Variants in USP24 observed in about 807,000 individuals in gnomAD.
USP24 encodes ubiquitin specific peptidase 24.
A neutral mutation model predicts 361.6 loss-of-function variants in USP24; 97 were observed. That is an observed-to-expected ratio of 0.27 (90% confidence interval 0.23 to 0.32). USP24 has a LOEUF of 0.32. USP24 is among the 10% of genes least tolerant of loss of function. USP24 has a pLI of 1.00. For synonymous variants in USP24, 1,098 were observed against 1,124.6 expected (o/e 0.98, Z 0.47); for missense variants, 2,353 against 3,165.6 (o/e 0.74, Z 6.16).
At chr1:55,184,531 C>T (rs956745096) in intron 1 of USP24, among the ~76,000 whole-genome samples, 25 of 152,066 alleles carry the variant, frequency 1.6e-4, no homozygotes, top group African/African-American at 5.3e-4. Context: ...CAGAATTAGG[C>T]AAAAGATCAA....
At chr1:55,175,742 G>A (rs943104432) in intron 3 of USP24, among the ~76,000 whole-genome samples, 1 of 152,160 alleles carries the variant, frequency 6.6e-6, no homozygotes, top group Non-Finnish European at 1.5e-5. Flanking sequence ...CTCTAATGAG[G>A]ATTCAAGGCT....
At chr1:55,069,165 T>C in intron 67 of USP24, 58 bp from the exon 68 acceptor site, 1 of 1,567,318 alleles carries the variant, frequency 6.4e-7, no homozygotes, top group Non-Finnish European at 8.8e-7. Flanking sequence ...TTTTCTATGC[T>C]GACTTGTGTT....
chr1:55,208,656 CGCTGGGCACG>C (rs1433688043), intron 1 of USP24, among the ~76,000 whole-genome samples: 1 of 150,640 alleles, frequency 6.6e-6, no homozygotes, highest in Non-Finnish European at 1.5e-5. Flanking sequence ...CAAAAAACAG[CGCTGGGCACG>C]GTGGTTCACG....
At chr1:55,142,088 A>C (rs1173551890) in intron 23 of USP24, among the ~76,000 whole-genome samples, 1 of 152,206 alleles carries the variant, frequency 6.6e-6, no homozygotes, top group Non-Finnish European at 1.5e-5. Flanking sequence ...AATACCGTAC[A>C]TATTCTAGCA....
chr1:55,193,656 T>C (rs1644345544), intron 1 of USP24, among the ~76,000 whole-genome samples: 1 of 151,920 alleles, frequency 6.6e-6, no homozygotes, highest in South Asian at 2.1e-4. Context: ...GCAATATGAG[T>C]GAGCAGTAAA....
intron 16 of USP24, among the ~76,000 whole-genome samples, chr1:55,153,381 A>C (rs1189108974): frequency 6.6e-6 from 1 of 152,188 alleles, no homozygotes; most frequent in Non-Finnish European, 1.5e-5. Flanking sequence ...ACAGATACTC[A>C]CTGAATGACT....
chr1:55,070,837 C>T (rs760672854), intron 67 of USP24, among the ~76,000 whole-genome samples: 1 of 152,110 alleles, frequency 6.6e-6, no homozygotes, highest in Non-Finnish European at 1.5e-5. Context: ...AAAGCTCTGC[C>T]AAGGTGGGCG....
chr1:55,157,452 T>C, intron 10 of USP24, 82 bp from the exon 11 acceptor site: 1 of 814,160 alleles, frequency 1.2e-6, no homozygotes, highest in South Asian at 2.3e-5. Context: ...TTTTACAATG[T>C]TACAATGTGC....
rs568079150 is a variant in USP24, at chr1:55,139,962, TCA to T, written c.2751-954_2751-953del. On this transcript the variant is annotated intron_variant, in intron 24 of 67. Transcript: ENST00000294383. ...AATTATGCCTCAATAATGAATTAAA[TCA>T]CAGACAGTATTATGAAATACTGTAC... 2.9e-3 allele frequency among the ~76,000 whole-genome samples: 442 copies of T among 152,118 alleles called. 2 individuals carry two copies. Among genetic ancestry groups the T allele is most frequent in the African/African-American group, 0.01 (417 of 41,496 alleles).
chr1:55,172,541 A>G, intron 3 of USP24, 21 bp from the exon 4 acceptor site: 9 of 1,593,462 alleles, frequency 5.6e-6, no homozygotes, highest in Non-Finnish European at 7.7e-6. Context: ...ATAAAGGGCA[A>G]TCTAGAGTCT....
intron 1 of USP24, among the ~76,000 whole-genome samples, chr1:55,184,241 G>C (rs987911991): frequency 2.0e-5 from 3 of 152,072 alleles, no homozygotes; most frequent in Non-Finnish European, 4.4e-5. Context: ...ATTTTTTATA[G>C]AGATGGGGTT....
chr1:55,125,155 G>A (rs502793), intron 34 of USP24, among the ~76,000 whole-genome samples, 165 bp downstream of exon 34: 110,957 of 152,028 alleles, frequency 0.73, 42,150 homozygotes, highest in East Asian at 0.96. Flanking sequence ...TTTCTACCTG[G>A]AATTATAGTT....
chr1:55,078,671 C>A lies in USP24; in HGVS notation c.7201-20G>T. 1.3e-6 allele frequency: 2 copies of A among 1,578,902 alleles called. No individual in the cohort carries two copies. The highest frequency in any genetic ancestry group is 1.7e-6 in the Non-Finnish European group (2 of 1,163,912). On this transcript the variant is annotated intron_variant, in intron 60 of 67. Transcript: ENST00000294383. ...CATTACCTGGTGGGAAGACATAACA[C>A]AGTCAGCTATTCTCATGTCACAGTT...
intron 39 of USP24, among the ~76,000 whole-genome samples, chr1:55,109,271 C>G (rs1645882076): frequency 6.6e-6 from 1 of 152,242 alleles, no homozygotes; most frequent in South Asian, 2.1e-4. Context: ...GCCACTGCGC[C>G]TGGCCACCTC....
chr1:55,118,201 T>C (rs1646175999), intron 38 of USP24, among the ~76,000 whole-genome samples: 1 of 152,208 alleles, frequency 6.6e-6, no homozygotes, highest in Non-Finnish European at 1.5e-5. Flanking sequence ...GAAAGACTCA[T>C]ACTTCCTGAT....
At position 55,096,487 on chromosome 1, in the gene USP24, T is replaced by C. The variant is rs781658269; in HGVS notation, c.6061+11A>G. The C allele has an allele frequency of 4.5e-6, 7 of 1,545,228 alleles. No homozygotes were observed. The East Asian group carries it at 1.6e-4, about 36-fold the overall frequency. On this transcript the variant is annotated intron_variant, in intron 50 of 67. Transcript: ENST00000294383. The stretch of plus-strand genomic sequence containing the variant: ...AAAACTAATGGAAAATATCCATTTG[T>C]AAATACTTACTTTGATCATAAACTT...
intron 12 of USP24, among the ~76,000 whole-genome samples, 177 bp from the exon 13 acceptor site, chr1:55,154,955 C>T (rs556583564): frequency 1.3e-4 from 20 of 151,964 alleles, no homozygotes; most frequent in South Asian, 8.3e-4. Context: ...CATTATTAAT[C>T]GTTATCAGCT....
intron 1 of USP24, among the ~76,000 whole-genome samples, chr1:55,188,964 C>CAAAAAAAAAAAAAAAAAAAAAAAAAAA (rs533085761): frequency 1.3e-5 from 1 of 74,418 alleles, no homozygotes; most frequent in Non-Finnish European, 2.3e-5. Flanking sequence ...AACTCCATCT[C>CAAAAAAAAAAAAAAAAAAAAAAAAAAA]AAAAAAAAAA....
At chr1:55,160,134 T>C (rs1222056145) in intron 8 of USP24, among the ~76,000 whole-genome samples, 1 of 151,164 alleles carries the variant, frequency 6.6e-6, no homozygotes, top group Non-Finnish European at 1.5e-5. Context: ...TGCTCCAGAA[T>C]GGTAACACAA....
Sources: allele counts gnomAD v4.1 joint callset (sites outside exome capture counted in the v4.1 genomes callset), GRCh38; gene constraint gnomAD v4.1.1; transcripts MANE v1.5; gene names NCBI Gene and HGNC (gene_info 2026-07-23, HGNC 2026-07-21).